GATA4: variants seen among roughly 807,000 people sequenced by gnomAD.
GATA4 encodes the protein GATA binding protein 4.
GATA4 carries 7 observed loss-of-function variants against 37.9 expected under a neutral mutation model. The ratio of observed to expected loss-of-function variants is 0.18; its 90% CI spans 0.11 to 0.35. The LOEUF (loss-of-function observed/expected upper bound fraction) is 0.35. Ranked by LOEUF, GATA4 falls within the 10% of genes least tolerant of loss-of-function variation. GATA4 has a pLI of 1.00. For missense variants in GATA4, 647 were observed against 653.0 expected (o/e 0.99, Z 0.10); for synonymous variants, 372 against 292.6 (o/e 1.27, Z -2.77).
At chr8:11,741,546 C>G (rs538542807) in intron 2 of GATA4, among the ~76,000 whole-genome samples, 43 of 152,240 alleles carry the variant, frequency 2.8e-4, no homozygotes, top group African/African-American at 9.4e-4. Flanking sequence ...GCGGACTTAG[C>G]TCTATGGCAT....
upstream of GATA4, among the ~76,000 whole-genome samples, chr8:11,699,496 G>C (rs750472175): frequency 6.6e-6 from 1 of 152,276 alleles, no homozygotes; most frequent in African/African-American, 2.4e-5. Flanking sequence ...GGTGGCCTGG[G>C]CAGTAGGTGT....
At chr8:11,743,050 G>A (rs1585671852) in intron 2 of GATA4, among the ~76,000 whole-genome samples, 1 of 152,198 alleles carries the variant, frequency 6.6e-6, no homozygotes, top group Non-Finnish European at 1.5e-5. Flanking sequence ...GTGTAGCACT[G>A]CCCAGCTGCC....
At chr8:11,701,333 A>C (rs966630287), upstream of GATA4, among the ~76,000 whole-genome samples, 1 of 151,874 alleles carries the variant, frequency 6.6e-6, no homozygotes, top group Non-Finnish European at 1.5e-5. Flanking sequence ...AGAGGACTTG[A>C]ATGGGGATTG....
upstream of GATA4, chr8:11,700,468 G>C (rs1214343108): frequency 6.6e-6 from 1 of 152,270 alleles, no homozygotes; most frequent in Non-Finnish European, 1.5e-5. Context: ...GTAGGTCGAC[G>C]TGGCCTTGCA....
chr8:11,705,600 G>A (rs1799857683), intron 1 of GATA4, among the ~76,000 whole-genome samples: 1 of 152,208 alleles, frequency 6.6e-6, no homozygotes, highest in Admixed American at 6.5e-5. Context: ...TGGCAGCCTC[G>A]GGAGCTGCTG....
At chr8:11,744,213 C>T (rs1231498893) in intron 2 of GATA4, among the ~76,000 whole-genome samples, 1 of 152,192 alleles carries the variant, frequency 6.6e-6, no homozygotes, top group South Asian at 2.1e-4. Context: ...CAAAGTTTGT[C>T]CTGGTCTTTC....
intron 2 of GATA4, among the ~76,000 whole-genome samples, chr8:11,711,734 T>G (rs1585604672): frequency 9.1e-6 from 1 of 109,850 alleles, no homozygotes. Flanking sequence ...GGTGACAGAG[T>G]GAGACCCTCT....
At chr8:11,704,894 GA>G (rs1408988833) in intron 1 of GATA4, among the ~76,000 whole-genome samples, 1 of 152,244 alleles carries the variant, frequency 6.6e-6, no homozygotes, top group Non-Finnish European at 1.5e-5. Flanking sequence ...TCCAGGGACT[GA>G]ATGCTCCTCT....
intron 1 of GATA4, among the ~76,000 whole-genome samples, chr8:11,678,200 T>A (rs1798844000): frequency 6.6e-6 from 1 of 152,042 alleles, no homozygotes; most frequent in African/African-American, 2.4e-5. Context: ...GACAACACCA[T>A]TTGTTCACTC....
At chr8:11,742,148 A>C (rs977239465) in intron 2 of GATA4, among the ~76,000 whole-genome samples, 1 of 151,596 alleles carries the variant, frequency 6.6e-6, no homozygotes, top group Non-Finnish European at 1.5e-5. Context: ...GAGTTCTTAG[A>C]CCTCCAGGGA....
At chr8:11,712,810 G>A (rs747364764) in intron 2 of GATA4, among the ~76,000 whole-genome samples, 6 of 152,036 alleles carry the variant, frequency 3.9e-5, no homozygotes, top group South Asian at 4.2e-4. Flanking sequence ...GCAGTGAGCC[G>A]TGATTGCACC....
intron 2 of GATA4, among the ~76,000 whole-genome samples, chr8:11,747,206 C>T (rs1309210198): frequency 6.6e-6 from 1 of 152,180 alleles, no homozygotes; most frequent in Non-Finnish European, 1.5e-5. Context: ...TTTGGGACAG[C>T]AAATTAGGAT....
At chr8:11,748,123 C>T (rs1202405002) in intron 2 of GATA4, among the ~76,000 whole-genome samples, 1 of 152,176 alleles carries the variant, frequency 6.6e-6, no homozygotes, top group African/African-American at 2.4e-5. Context: ...GAGGCTGAGG[C>T]AGGAGAATCG....
In GATA4 at chr8:11,757,014, G is replaced by A. The variant is rs1802609459; in HGVS notation, c.1080G>A (p.Glu360=). ...NSSNATTSSS[E]EMRPIKTEPG... ...GCAACGCCACCACCAGCAGCAGCGA[G>A]GAGATGCGTCCCATCAAGACGGAGC... The change falls in exon 6 of 7, where the codon GAG becomes GAA. Residue 360 remains glutamate (E), a synonymous_variant. Coordinates refer to ENST00000532059, the MANE Select transcript of GATA4 (RefSeq NM_001308093.3). 1 of 1,614,258 alleles carries A rather than the reference G, an allele frequency of 6.2e-7. No individual in the cohort carries two copies. Among genetic ancestry groups the A allele is most frequent in the East Asian group, 2.2e-5 (1 of 44,884 alleles).
Position 11,749,550 on chromosome 8 carries a change from T to G in GATA4, c.786+465T>G, listed in dbSNP as rs1802192466. On this transcript the variant is annotated intron_variant, in intron 3 of 6. Coordinates refer to ENST00000532059, the MANE Select transcript of GATA4 (RefSeq NM_001308093.3). The surrounding 1 kb of genome is among the most constrained non-coding windows in gnomAD (Gnocchi z 4.6). ...AGCAGCTTGTGTTGGGCCCCGTGGC[T>G]AGGGAAGAGTTTGGGCCTGGGGCTT... Among the ~76,000 whole-genome samples, 2 of 152,220 alleles carry G rather than the reference T, an allele frequency of 1.3e-5. No homozygotes were observed. The highest frequency in any genetic ancestry group is 2.4e-5 in the African/African-American group (1 of 41,444).
At chr8:11,697,840 G>T (rs929639078) in intron 1 of GATA4, 3 of 985,466 alleles carry the variant, frequency 3.0e-6, no homozygotes, top group Middle Eastern at 5.2e-4. Context: ...CGGCCACCAC[G>T]GGGCGGAGGA....
chr8:11,684,546 T>C (rs923326441), intron 1 of GATA4, among the ~76,000 whole-genome samples: 1 of 152,226 alleles, frequency 6.6e-6, no homozygotes, highest in African/African-American at 2.4e-5. Flanking sequence ...CCTAGGTCAG[T>C]GTAAGAGTTT....
At chr8:11,746,704 G>T (rs1013501083) in intron 2 of GATA4, among the ~76,000 whole-genome samples, 4 of 152,230 alleles carry the variant, frequency 2.6e-5, no homozygotes, top group African/African-American at 4.8e-5. Context: ...CAACAGTAGT[G>T]TTGATTGTGG....
At chr8:11,692,669 G>C in intron 1 of GATA4, 1 of 985,196 alleles carries the variant, frequency 1.0e-6, no homozygotes, top group African/African-American at 1.7e-5. Context: ...GGGTGCGTGC[G>C]GGGGTGCGGG....
Sources: allele counts gnomAD v4.1 joint callset (sites outside exome capture counted in the v4.1 genomes callset), GRCh38; gene constraint gnomAD v4.1.1; non-coding constraint Gnocchi (gnomAD v3.1); transcripts MANE v1.5; gene names NCBI Gene and HGNC (gene_info 2026-07-23, HGNC 2026-07-21).